GRID2: variants seen among roughly 807,000 people sequenced by gnomAD.
The protein encoded by GRID2 is glutamate ionotropic receptor delta type subunit 2, also known as glutamate receptor ionotropic, delta-2.
A neutral mutation model predicts 114.8 loss-of-function variants in GRID2; 33 were observed. The observed-to-expected ratio is 0.29, with a 90% CI of 0.22 to 0.38. GRID2 has a LOEUF of 0.38. Among genes scored for constraint, GRID2 ranks in the 10% least tolerant of loss-of-function variants. GRID2 has a pLI of 1.00. For synonymous variants in GRID2, 505 were observed against 449.9 expected (o/e 1.12, Z -1.55); for missense variants, 1,184 against 1,257.7 (o/e 0.94, Z 0.89).
At chr4:92,623,721 A>G (rs1579707079) in intron 2 of GRID2, among the ~76,000 whole-genome samples, 1 of 151,772 alleles carries the variant, frequency 6.6e-6, no homozygotes, top group Non-Finnish European at 1.5e-5. Flanking sequence ...AAGCTGTGGC[A>G]CCGCTAACAC....
chr4:93,381,741 A>G lies in GRID2; in HGVS notation c.1246-13866A>G, dbSNP rs115724179. Among the ~76,000 whole-genome samples, 870 of 152,242 alleles carry G rather than the reference A, an allele frequency of 5.7e-3. 6 individuals are homozygous for G. Among genetic ancestry groups the G allele is most frequent in the African/African-American group, 0.02 (828 of 41,560 alleles). On this transcript the variant is annotated intron_variant, in intron 8 of 15. Coordinates refer to ENST00000282020, the MANE Select transcript of GRID2 (RefSeq NM_001510.4). Reference sequence around the variant, plus strand: ...ACCTTTACACATTGCAGGTCCAAAAACAAAAACTAATAATTTTTAAATATA... The same window carrying G: ...ACCTTTACACATTGCAGGTCCAAAAGCAAAAACTAATAATTTTTAAATATA...
intron 2 of GRID2, among the ~76,000 whole-genome samples, chr4:92,762,630 C>T (rs531547564): frequency 3.9e-5 from 6 of 152,190 alleles, no homozygotes; most frequent in South Asian, 2.1e-4. Flanking sequence ...CCCACTTGTT[C>T]GATTTTCCCT....
At chr4:93,539,299 A>T (rs1345685788) in intron 13 of GRID2, among the ~76,000 whole-genome samples, 1 of 151,990 alleles carries the variant, frequency 6.6e-6, no homozygotes, top group Non-Finnish European at 1.5e-5. Flanking sequence ...AACAAACTGT[A>T]ATTACTTTTC....
intron 2 of GRID2, among the ~76,000 whole-genome samples, chr4:92,930,898 C>T: frequency 6.6e-6 from 1 of 150,758 alleles, no homozygotes; most frequent in East Asian, 1.9e-4. Context: ...AAAGAAAACT[C>T]CAGGCACGGA....
intron 2 of GRID2, among the ~76,000 whole-genome samples, chr4:92,927,201 C>G (rs1056489174): frequency 6.6e-6 from 1 of 151,784 alleles, no homozygotes; most frequent in Non-Finnish European, 1.5e-5. Flanking sequence ...TTATTTTCTA[C>G]AGTTAAAGAG....
intron 2 of GRID2, among the ~76,000 whole-genome samples, chr4:92,721,285 T>C (rs1735797276): frequency 6.6e-6 from 1 of 152,116 alleles, no homozygotes; most frequent in Non-Finnish European, 1.5e-5. Context: ...CACCTAAAAG[T>C]GGTTAAAATG....
intron 1 of GRID2, among the ~76,000 whole-genome samples, chr4:92,514,326 A>G (rs1445324702): frequency 6.6e-6 from 1 of 151,874 alleles, no homozygotes; most frequent in Non-Finnish European, 1.5e-5. Flanking sequence ...TATAATCCCA[A>G]TAAACTTGAG....
chr4:92,598,912 C>T (rs566915545), intron 2 of GRID2, among the ~76,000 whole-genome samples: 23 of 152,030 alleles, frequency 1.5e-4, no homozygotes, highest in African/African-American at 4.3e-4. Context: ...CCATGGATAC[C>T]TCTGAGCCTA....
intron 14 of GRID2, among the ~76,000 whole-genome samples, chr4:93,750,326 TTAAAAA>T (rs1732212829): frequency 6.6e-6 from 1 of 152,168 alleles, no homozygotes. Flanking sequence ...AAAGTGCTGT[TTAAAAA>T]TATAGATTCC....
At chr4:92,416,926 T>C (rs1320076503) in intron 1 of GRID2, among the ~76,000 whole-genome samples, 1 of 152,046 alleles carries the variant, frequency 6.6e-6, no homozygotes, top group Non-Finnish European at 1.5e-5. Context: ...ATTTTTTTTC[T>C]AGTTTTCTGA....
intron 8 of GRID2, among the ~76,000 whole-genome samples, chr4:93,252,809 A>T (rs1749122759): frequency 1.3e-5 from 2 of 151,686 alleles, no homozygotes. Flanking sequence ...ATTCCTAGGT[A>T]TTTTATTCTT....
chr4:92,772,285 T>G (rs1738580635), intron 2 of GRID2, among the ~76,000 whole-genome samples: 2 of 152,180 alleles, frequency 1.3e-5, no homozygotes, highest in South Asian at 4.1e-4. Flanking sequence ...GACCAAAGTT[T>G]ATCAGACTAA....
chr4:93,174,889 C>T (rs1739202263), intron 4 of GRID2, among the ~76,000 whole-genome samples: 1 of 152,104 alleles, frequency 6.6e-6, no homozygotes, highest in African/African-American at 2.4e-5. Flanking sequence ...CTCTGGGTTG[C>T]TTCCAGTTTG....
At chr4:93,341,865 G>T (rs1759690129) in intron 8 of GRID2, among the ~76,000 whole-genome samples, 1 of 152,028 alleles carries the variant, frequency 6.6e-6, no homozygotes, top group South Asian at 2.1e-4. Flanking sequence ...TGATTCTGTG[G>T]TTTAAATAGA....
At chr4:93,720,205 G>T (rs946930161) in intron 14 of GRID2, among the ~76,000 whole-genome samples, 1 of 152,078 alleles carries the variant, frequency 6.6e-6, no homozygotes, top group Non-Finnish European at 1.5e-5. Context: ...TCCATTGCAG[G>T]CCATTCATTC....
At chr4:92,610,464 C>G (rs1729664708) in intron 2 of GRID2, among the ~76,000 whole-genome samples, 1 of 151,660 alleles carries the variant, frequency 6.6e-6, no homozygotes, top group African/African-American at 2.4e-5. Flanking sequence ...AAGTATCATT[C>G]TGCCCACCTT....
At chr4:93,416,635 C>T (rs1048960850) in intron 9 of GRID2, among the ~76,000 whole-genome samples, 5 of 151,998 alleles carry the variant, frequency 3.3e-5, no homozygotes, top group African/African-American at 1.2e-4. Flanking sequence ...TTTTTTCCAA[C>T]GCCATCACTA....
At chr4:92,451,367 G>C (rs1470026444) in intron 1 of GRID2, among the ~76,000 whole-genome samples, 1 of 152,044 alleles carries the variant, frequency 6.6e-6, no homozygotes, top group Non-Finnish European at 1.5e-5. Context: ...TCATCTAAGG[G>C]AATGAAGACA....
intron 2 of GRID2, among the ~76,000 whole-genome samples, chr4:92,748,912 C>T (rs1450728938): frequency 1.3e-5 from 2 of 151,858 alleles, no homozygotes; most frequent in African/African-American, 4.8e-5. Context: ...GATCTGCCTA[C>T]CGCAGCCTCC....
Sources: gnomAD v4.1 joint callset for allele counts (sites outside exome capture counted in the v4.1 genomes callset) on GRCh38, gnomAD v4.1.1 for gene constraint, MANE v1.5 for transcripts, NCBI Gene and HGNC (gene_info 2026-07-23, HGNC 2026-07-21) for gene names.